DNAH17: variants seen among roughly 807,000 people sequenced by gnomAD.
DNAH17 encodes axonemal beta dynein heavy chain 17.
DNAH17 carries 376 observed loss-of-function variants against 485.6 expected under a neutral mutation model. The observed-to-expected ratio is 0.77, with a 90% CI of 0.71 to 0.84. The LOEUF is 0.84. Ranked by LOEUF, DNAH17 falls within the 40% of genes least tolerant of loss-of-function variation. DNAH17 has a pLI of 0.00. For synonymous variants in DNAH17, 3,031 were observed against 2,405.9 expected (o/e 1.26, Z -7.60); for missense variants, 6,370 against 5,839.3 (o/e 1.09, Z -2.96).
In DNAH17 at chr17:78,571,684, G is replaced by A. The variant is rs780546110; in HGVS notation, c.638C>T (p.Ala213Val). The A allele has an allele frequency of 1.5e-5, 24 of 1,613,924 alleles. No homozygotes were observed. The highest frequency in any genetic ancestry group is 1.7e-5 in the Non-Finnish European group (20 of 1,179,894). Residue 213 changes from alanine (A) to valine (V), a missense_variant, in exon 4 of 81, where the codon GCC becomes GTC. Physicochemically the swap from Ala to Val is moderately conservative, Grantham distance 64 (BLOSUM62 0). Coordinates refer to ENST00000389840, the MANE Select transcript of DNAH17 (RefSeq NM_173628.4). ...QIRDVLSKDS[A>V]QALLDGLHPL... ...GTGCAGCCCATCCAGCAGCGCCTGG[G>A]CTGAGTCTTTGCTCAGCACATCCCG...
At chr17:78,439,665 CTTTT>C (rs11399691) in intron 72 of DNAH17, among the ~76,000 whole-genome samples, 29 of 92,206 alleles carry the variant, frequency 3.1e-4, no homozygotes, top group African/African-American at 8.7e-4. Context: ...CAGTACTTCA[CTTTT>C]TTTTTTTTTT....
rs55669221 is a variant in DNAH17 at position 78,544,800 on chromosome 17, C to CAAAAAAAAAAAAAAAAAAAAAAAAAAAA, written c.2392-804_2392-803insTTTTTTTTTTTTTTTTTTTTTTTTTTTT. On this transcript the variant is annotated intron_variant, in intron 16 of 80. Transcript: ENST00000389840. ...TGGGGCACAGAGCGAGACTCAGTCT[C>CAAAAAAAAAAAAAAAAAAAAAAAAAAAA]AAAAAAAAAAAAAAAAAAAAAAAAG... Among the ~76,000 whole-genome samples, 17 of 46,872 alleles carry CAAAAAAAAAAAAAAAAAAAAAAAAAAAA rather than the reference C, an allele frequency of 3.6e-4. 1 individual carries two copies. Among genetic ancestry groups the CAAAAAAAAAAAAAAAAAAAAAAAAAAAA allele is most frequent in the East Asian group, 1.2e-3 (2 of 1,628 alleles). The allele number at this position is 46,872 out of a possible 152,430, so 30.7% of individuals were successfully genotyped here.
At chr17:78,572,600 A>T in intron 3 of DNAH17, 101 bp downstream of exon 3, 1 of 1,132,404 alleles carries the variant, frequency 8.8e-7, no homozygotes, top group Non-Finnish European at 1.2e-6. Flanking sequence ...CTCTGCAGGG[A>T]AACAACGGGT....
At chr17:78,500,096 G>T in intron 36 of DNAH17, 1 of 554,154 alleles carries the variant, frequency 1.8e-6, no homozygotes, top group Non-Finnish European at 3.1e-6. Context: ...GACATTTGGG[G>T]CTGCGTCTGT....
intron 25 of DNAH17, among the ~76,000 whole-genome samples, chr17:78,516,865 A>C (rs2090799791): frequency 6.6e-6 from 1 of 152,232 alleles, no homozygotes; most frequent in Admixed American, 6.5e-5. Context: ...TGGTATGGTC[A>C]GCATGAAGAC....
intron 34 of DNAH17, 141 bp downstream of exon 34, chr17:78,501,601 G>A: frequency 3.1e-6 from 4 of 1,280,526 alleles, no homozygotes; most frequent in South Asian, 1.4e-5. Context: ...CGGGCAAGGA[G>A]GTTAGGAGGC....
At chr17:78,512,451 C>T (rs1568180253) in intron 26 of DNAH17, among the ~76,000 whole-genome samples, 1 of 152,212 alleles carries the variant, frequency 6.6e-6, no homozygotes, top group Non-Finnish European at 1.5e-5. Context: ...CTGCACTTGG[C>T]ATTCAAACCT....
chr17:78,558,064 C>A, intron 14 of DNAH17, 44 bp downstream of exon 14: 1 of 1,560,778 alleles, frequency 6.4e-7, no homozygotes, highest in Non-Finnish European at 8.7e-7. Context: ...AAAACCAAAA[C>A]AATACAAAGC....
Position 78,543,816 on chromosome 17 carries a change from A to C in DNAH17, c.2532+41T>G, listed in dbSNP as rs549373953. On this transcript the variant is annotated intron_variant, in intron 17 of 80. Transcript: ENST00000389840. ...GGTTTACTCTCTCCTCCCTGCTAAA[A>C]GCAAGTGGGTTCTCAAAAAACCTCC... 16 of 1,613,802 alleles carry C rather than the reference A, an allele frequency of 9.9e-6. No individual in the cohort carries two copies. In the East Asian group the frequency reaches 3.1e-4, roughly 31 times the overall value.
At chr17:78,450,084 G>A (rs1418876346) in intron 68 of DNAH17, 170 bp downstream of exon 68, 14 of 741,176 alleles carry the variant, frequency 1.9e-5, no homozygotes, top group Non-Finnish European at 2.6e-5. Context: ...TAGGACTGAT[G>A]GGGGCCCCTG....
rs368399540 is a variant in DNAH17 at position 78,505,971 on chromosome 17, T to C, written c.4804-526A>G. 7.2e-5 allele frequency among the ~76,000 whole-genome samples: 11 copies of C among 152,042 alleles called. No homozygotes were observed. In the South Asian group the frequency reaches 1.9e-3, roughly 26 times the overall value. On this transcript the variant is annotated intron_variant, in intron 30 of 80. Transcript: ENST00000389840. ...CCAGCCTGGGCAACAAGAGCGAAAC[T>C]CCATCTCAAAATAAAAAAAATTAAT...
At chr17:78,480,590 C>T in intron 49 of DNAH17, 94 bp downstream of exon 49, 1 of 1,051,602 alleles carries the variant, frequency 9.5e-7, no homozygotes, top group South Asian at 1.7e-5. Flanking sequence ...GGCCTGCAGC[C>T]CTAACACCCT....
At chr17:78,462,235 G>T (rs1466463306) in intron 57 of DNAH17, among the ~76,000 whole-genome samples, 2 of 142,390 alleles carry the variant, frequency 1.4e-5, no homozygotes, top group Non-Finnish European at 3.1e-5. Flanking sequence ...TGGTGGGAGA[G>T]TGACAGCGAG....
intron 14 of DNAH17, 128 bp downstream of exon 14, chr17:78,557,980 A>G: frequency 8.4e-7 from 1 of 1,185,974 alleles, no homozygotes; most frequent in Non-Finnish European, 1.2e-6. Flanking sequence ...AGTGAATGGA[A>G]GAATGAATTT....
chr17:78,510,283 GC>G, intron 27 of DNAH17, 100 bp downstream of exon 27: 1 of 1,540,118 alleles, frequency 6.5e-7, no homozygotes, highest in Non-Finnish European at 8.8e-7. Flanking sequence ...TCCCGTGAGA[GC>G]CTTGGGGCTG....
At position 78,486,383 on chromosome 17, in the gene DNAH17, C is replaced by T. The variant is rs767974928; in HGVS notation, c.6942G>A (p.Thr2314=). 5.6e-6 allele frequency: 9 copies of T among 1,613,862 alleles called. No individual in the cohort carries two copies. Among genetic ancestry groups the T allele is most frequent in the East Asian group, 2.2e-5 (1 of 44,872 alleles). ...GGATCACCGTGATCTCCGGCACTGGCGTGATCTTCTTGAACCCAAAGCGCA... is the reference window on the plus strand; with the variant it reads ...GGATCACCGTGATCTCCGGCACTGGTGTGATCTTCTTGAACCCAAAGCGCA... ...DKLRFGFKKI[T]PVPEITVIQT... The change falls in exon 45 of 81, where the codon ACG becomes ACA. Residue 2314 remains threonine, a synonymous_variant. Transcript: ENST00000389840.
chr17:78,477,981 TCACCACCATCAC>T (rs781024979), intron 51 of DNAH17, among the ~76,000 whole-genome samples: 18 of 105,780 alleles, frequency 1.7e-4, no homozygotes, highest in South Asian at 3.5e-4. Flanking sequence ...ACCATCATCA[TCACCACCATCAC>T]CACCACCATC....
chr17:78,571,936 C>T (rs548931726), intron 3 of DNAH17, among the ~76,000 whole-genome samples, 154 bp from the exon 4 acceptor site: 7 of 152,226 alleles, frequency 4.6e-5, no homozygotes, highest in South Asian at 4.1e-4. Context: ...ACCTCGGGGA[C>T]GCTAAAGAAG....
chr17:78,472,335 C>T (rs1302305182), intron 54 of DNAH17, among the ~76,000 whole-genome samples: 9 of 141,368 alleles, frequency 6.4e-5, no homozygotes, highest in Non-Finnish European at 7.4e-5. Context: ...AATGGGGGTG[C>T]GAGGATTAGG....
Sources: gnomAD v4.1 joint callset for allele counts (sites outside exome capture counted in the v4.1 genomes callset) on GRCh38, gnomAD v4.1.1 for gene constraint, MANE v1.5 for transcripts, NCBI Gene and HGNC (gene_info 2026-07-23, HGNC 2026-07-21) for gene names.